FTO: variants seen among roughly 807,000 people sequenced by gnomAD.
FTO encodes the protein FTO alpha-ketoglutarate dependent dioxygenase.
A neutral mutation model predicts 63.9 loss-of-function variants in FTO; 47 were observed. That is an observed-to-expected ratio of 0.74 (90% CI 0.58 to 0.94). The LOEUF (loss-of-function observed/expected upper bound fraction) is 0.94. Among genes scored for constraint, FTO ranks in the 40% least tolerant of loss-of-function variants. FTO has a pLI of 0.00. For missense variants in FTO, 562 were observed against 618.1 expected (o/e 0.91, Z 0.96); for synonymous variants, 207 against 224.4 (o/e 0.92, Z 0.69).
chr16:54,046,282 G>C (rs2085170207), intron 8 of FTO, among the ~76,000 whole-genome samples: 1 of 77,212 alleles, frequency 1.3e-5, no homozygotes, highest in Non-Finnish European at 2.1e-5. Context: ...CAAAATCAAT[G>C]TACAAAAATC....
intron 8 of FTO, among the ~76,000 whole-genome samples, chr16:54,021,817 A>C (rs1181669959): frequency 3.9e-5 from 6 of 152,160 alleles, no homozygotes; most frequent in African/African-American, 7.2e-5. Flanking sequence ...GTAGGAGAAA[A>C]AAGAGGAACA....
intron 4 of FTO, among the ~76,000 whole-genome samples, chr16:53,850,764 A>G (rs2079768585): frequency 1.3e-5 from 2 of 152,234 alleles, no homozygotes; most frequent in South Asian, 4.2e-4. Flanking sequence ...AGAAAAAAAA[A>G]TTAATGGAGA....
chr16:53,851,376 T>C (rs1245752165), intron 4 of FTO, among the ~76,000 whole-genome samples: 1 of 151,328 alleles, frequency 6.6e-6, no homozygotes, highest in African/African-American at 2.4e-5. Flanking sequence ...TGATAATCAC[T>C]TGAACCTGGG....
At chr16:53,975,046 T>G (rs2083404753) in intron 8 of FTO, among the ~76,000 whole-genome samples, 1 of 152,138 alleles carries the variant, frequency 6.6e-6, no homozygotes, top group Non-Finnish European at 1.5e-5. Flanking sequence ...TATATATATA[T>G]TTCTATTTCT....
intron 1 of FTO, among the ~76,000 whole-genome samples, chr16:53,796,576 A>T (rs1412456788): frequency 1.3e-5 from 2 of 152,228 alleles, no homozygotes; most frequent in Non-Finnish European, 2.9e-5. Context: ...ATCTAAGAAA[A>T]TATGATACAT....
At chr16:53,770,942 T>G (rs2077319419) in intron 1 of FTO, among the ~76,000 whole-genome samples, 1 of 152,142 alleles carries the variant, frequency 6.6e-6, no homozygotes, top group Non-Finnish European at 1.5e-5. Context: ...TCGTGATGGA[T>G]TTTTGTTCTT....
chr16:53,856,308 C>T (rs1048271688), intron 4 of FTO, among the ~76,000 whole-genome samples: 1 of 151,510 alleles, frequency 6.6e-6, no homozygotes, highest in Admixed American at 6.6e-5. Context: ...CTATATACCT[C>T]ATGCTGGAAG....
chr16:53,862,017 C>T (rs1301627635), intron 4 of FTO, among the ~76,000 whole-genome samples: 2 of 152,022 alleles, frequency 1.3e-5, no homozygotes, highest in Non-Finnish European at 2.9e-5. Flanking sequence ...TTTGGGAGGT[C>T]GAGGTGGGCA....
chr16:54,015,318 C>A (rs2084416411), intron 8 of FTO, among the ~76,000 whole-genome samples: 1 of 152,186 alleles, frequency 6.6e-6, no homozygotes, highest in Non-Finnish European at 1.5e-5. Context: ...ATTACAGCAA[C>A]CTTCACTCCT....
At position 53,857,662 on chromosome 16, in the gene FTO, C is replaced by T. The variant is rs2080047226; in HGVS notation, c.895+13364C>T. On this transcript the variant is annotated intron_variant, in intron 4 of 8. Transcript: ENST00000471389. ...TTGGGTACTCACTTCATTCTCCTTCCCCCACACAAAGGGTATCCCTCTTGA... is the reference window on the plus strand; with the variant it reads ...TTGGGTACTCACTTCATTCTCCTTCTCCCACACAAAGGGTATCCCTCTTGA... Among the ~76,000 whole-genome samples the T allele has an allele frequency of 2.0e-5, 3 of 152,214 alleles. No individual in the cohort carries two copies. In the East Asian group the frequency reaches 5.8e-4, roughly 29 times the overall value.
At chr16:53,774,209 C>T (rs192801217) in intron 1 of FTO, among the ~76,000 whole-genome samples, 1 of 152,254 alleles carries the variant, frequency 6.6e-6, no homozygotes, top group East Asian at 1.9e-4. Context: ...AAACTGTTTG[C>T]CGTCTCTGTG....
At chr16:53,891,922 C>A (rs2081159833) in intron 7 of FTO, among the ~76,000 whole-genome samples, 1 of 152,120 alleles carries the variant, frequency 6.6e-6, no homozygotes, top group Non-Finnish European at 1.5e-5. Context: ...TCTAAGTGTT[C>A]TGAGGGAGAT....
At chr16:53,725,754 C>T (rs2076137962) in intron 1 of FTO, among the ~76,000 whole-genome samples, 2 of 152,132 alleles carry the variant, frequency 1.3e-5, no homozygotes, top group Admixed American at 6.6e-5. Context: ...TGGTAGTGAT[C>T]AGGAATTAAA....
At chr16:53,976,572 A>C (rs1338232713) in intron 8 of FTO, among the ~76,000 whole-genome samples, 1 of 152,070 alleles carries the variant, frequency 6.6e-6, no homozygotes, top group Non-Finnish European at 1.5e-5. Context: ...TTTTTGTCAG[A>C]TGAATCTTAG....
chr16:54,036,385 C>T (rs967665491), intron 8 of FTO, among the ~76,000 whole-genome samples: 2 of 152,158 alleles, frequency 1.3e-5, no homozygotes, highest in African/African-American at 2.4e-5. Context: ...AACCAATTCC[C>T]ATTTCTTGGG....
chr16:53,839,813 TTATTTA>T (rs201006265), intron 3 of FTO, among the ~76,000 whole-genome samples: 14,823 of 72,734 alleles, frequency 0.2, 937 homozygotes, highest in East Asian at 0.34. Flanking sequence ...ATTTATTTAT[TTATTTA>T]TTTTAAGGTG....
chr16:54,066,982 C>A (rs1403059759), intron 8 of FTO, among the ~76,000 whole-genome samples: 1 of 152,230 alleles, frequency 6.6e-6, no homozygotes, highest in Non-Finnish European at 1.5e-5. Flanking sequence ...ACTCATATTT[C>A]TTTGGCTTTC....
chr16:53,737,985 G>A (rs1054224711), intron 1 of FTO, among the ~76,000 whole-genome samples: 1 of 148,782 alleles, frequency 6.7e-6, no homozygotes. Flanking sequence ...ACAAGGTTTC[G>A]CTCTGTCACC....
intron 6 of FTO, 118 bp downstream of exon 6, chr16:53,880,105 C>T (rs1386746966): frequency 1.4e-6 from 1 of 733,480 alleles, no homozygotes; most frequent in East Asian, 2.8e-5. Context: ...AGTGATCCTC[C>T]TGTCTCAAGC....
Sources: gnomAD v4.1 joint callset for allele counts (sites outside exome capture counted in the v4.1 genomes callset) on GRCh38, gnomAD v4.1.1 for gene constraint, MANE v1.5 for transcripts, NCBI Gene and HGNC (gene_info 2026-07-23, HGNC 2026-07-21) for gene names.